Variants in TMEM132B observed in about 807,000 individuals in gnomAD.
TMEM132B encodes the protein transmembrane protein 132B.
In TMEM132B, 18 loss-of-function variants were observed where a neutral mutation model predicts 90.8. The ratio of observed to expected loss-of-function variants is 0.20; its 90% CI spans 0.14 to 0.29. The LOEUF (loss-of-function observed/expected upper bound fraction) is 0.29, where lower values mean the gene tolerates loss of function less well. Ranked by LOEUF, TMEM132B falls within the 10% of genes least tolerant of loss-of-function variation. The pLI is 1.00. For missense variants in TMEM132B, 1,096 were observed against 1,326.8 expected, an observed-to-expected ratio of 0.83 and a Z score of 2.70; for synonymous variants, 504 against 523.3, an observed-to-expected ratio of 0.96 and a Z score of 0.50.
chr12:125,532,069 T>A (rs1028445196), intron 4 of TMEM132B, among the ~76,000 whole-genome samples: 1 of 152,186 alleles, frequency 6.6e-6, no homozygotes, highest in Non-Finnish European at 1.5e-5. Flanking sequence ...TTACAGGGAC[T>A]GCTCTTGGAG....
rs184315988 is a variant in TMEM132B at position 125,508,095 on chromosome 12, G to A, written c.1107-11344G>A. Among the ~76,000 whole-genome samples, 167 of 152,342 alleles carry A rather than the reference G, an allele frequency of 1.1e-3. 1 individual carries two copies. The highest frequency in any genetic ancestry group is 3.7e-3 in the African/African-American group (153 of 41,572). On this transcript the variant is annotated intron_variant, in intron 3 of 8. Transcript: ENST00000682704. ...AAGAGTTAAGGACGACCAAGATTTT[G>A]ACCAGAGTAACTGGAAGGATGGTTG...
At chr12:125,584,225 T>C (rs1311020993) in intron 5 of TMEM132B, 1 of 557,970 alleles carries the variant, frequency 1.8e-6, no homozygotes, top group African/African-American at 1.9e-5. Context: ...CCCTGACCCT[T>C]AATCTCCAGC....
chr12:125,270,784 G>T (rs573968756), intron 1 of TMEM132B, among the ~76,000 whole-genome samples: 2 of 142,808 alleles, frequency 1.4e-5, no homozygotes, highest in South Asian at 4.5e-4. Flanking sequence ...CTCTGTGGGG[G>T]TTGGGGGGGC....
intron 1 of TMEM132B, among the ~76,000 whole-genome samples, chr12:125,240,929 G>C (rs547196515): frequency 6.6e-6 from 1 of 152,226 alleles, no homozygotes; most frequent in Admixed American, 6.5e-5. Flanking sequence ...TTGAATGAGT[G>C]ATCGCGTGAG....
intron 2 of TMEM132B, among the ~76,000 whole-genome samples, chr12:125,392,946 C>A (rs418105): frequency 6.6e-6 from 1 of 151,992 alleles, no homozygotes; most frequent in African/African-American, 2.4e-5. Context: ...CTGGGGGCCC[C>A]GTGATCCGAT....
intron 3 of TMEM132B, among the ~76,000 whole-genome samples, chr12:125,474,048 T>G (rs1881793306): frequency 7.3e-6 from 1 of 137,924 alleles, no homozygotes; most frequent in Non-Finnish European, 1.6e-5. Flanking sequence ...CCTTCCTTCC[T>G]TCTTTCTTTT....
intron 1 of TMEM132B, among the ~76,000 whole-genome samples, chr12:125,193,098 T>TG (rs1872834931): frequency 6.6e-6 from 1 of 152,138 alleles, no homozygotes; most frequent in Non-Finnish European, 1.5e-5. Flanking sequence ...AAGGAAGGGC[T>TG]GACTGGGGAC....
intron 5 of TMEM132B, among the ~76,000 whole-genome samples, chr12:125,618,292 G>A (rs1223846168): frequency 1.3e-5 from 2 of 152,180 alleles, no homozygotes; most frequent in Non-Finnish European, 2.9e-5. Context: ...ATGGAGTGGG[G>A]CATCTGACCT....
chr12:125,187,779 C>G (rs1331542250), intron 1 of TMEM132B, among the ~76,000 whole-genome samples: 1 of 117,250 alleles, frequency 8.5e-6, no homozygotes, highest in Non-Finnish European at 1.7e-5. Context: ...CCCCTCCCCC[C>G]ACCCCATGCA....
At chr12:125,374,843 A>G (rs1477098742) in intron 2 of TMEM132B, among the ~76,000 whole-genome samples, 4 of 152,128 alleles carry the variant, frequency 2.6e-5, no homozygotes, top group African/African-American at 9.7e-5. Flanking sequence ...TGCTCCATAC[A>G]GAAAAAAACC....
intron 3 of TMEM132B, among the ~76,000 whole-genome samples, chr12:125,513,143 C>A (rs1332326107): frequency 1.3e-5 from 2 of 152,256 alleles, no homozygotes; most frequent in Non-Finnish European, 2.9e-5. Flanking sequence ...CACTCACCTG[C>A]AGCTCAGGGG....
At chr12:125,645,279 A>G (rs1253177764) in intron 6 of TMEM132B, among the ~76,000 whole-genome samples, 3 of 152,046 alleles carry the variant, frequency 2.0e-5, no homozygotes, top group African/African-American at 7.2e-5. Flanking sequence ...TGCTTCTTCA[A>G]ACCCTAATCT....
chr12:125,471,047 C>A (rs1257842946), intron 3 of TMEM132B, among the ~76,000 whole-genome samples: 1 of 152,246 alleles, frequency 6.6e-6, no homozygotes, highest in Non-Finnish European at 1.5e-5. Flanking sequence ...GGCCGGCGCC[C>A]ATGTGGGGCT....
chr12:125,294,157 C>T (rs1424943940), intron 1 of TMEM132B, among the ~76,000 whole-genome samples: 1 of 152,198 alleles, frequency 6.6e-6, no homozygotes, highest in Non-Finnish European at 1.5e-5. Flanking sequence ...CAGCCCATGC[C>T]CTCTGTGCCT....
chr12:125,193,815 T>C (rs1872857216), intron 1 of TMEM132B, among the ~76,000 whole-genome samples: 1 of 152,242 alleles, frequency 6.6e-6, no homozygotes, highest in Non-Finnish European at 1.5e-5. Context: ...TCTGTCATTC[T>C]TGCAGAGCAA....
chr12:125,451,053 A>C (rs767794844), intron 3 of TMEM132B, among the ~76,000 whole-genome samples: 11 of 152,182 alleles, frequency 7.2e-5, no homozygotes, highest in Non-Finnish European at 1.2e-4. Context: ...ACAAAGACAG[A>C]CTGTAGAAGT....
intron 5 of TMEM132B, chr12:125,588,333 T>G (rs908946782): frequency 2.0e-5 from 3 of 152,106 alleles, no homozygotes; most frequent in African/African-American, 7.2e-5. Context: ...ACCAAACTAC[T>G]CCCTAATCCT....
chr12:125,549,356 G>C lies in TMEM132B; in HGVS notation c.1293+29731G>C, dbSNP rs114829637. 2.3e-3 allele frequency among the ~76,000 whole-genome samples: 348 copies of C among 152,322 alleles called. 1 individual carries two copies. The highest frequency in any genetic ancestry group is 7.9e-3 in the African/African-American group (330 of 41,576). On this transcript the variant is annotated intron_variant, in intron 4 of 8. Transcript: ENST00000682704. The stretch of plus-strand genomic sequence containing the variant: ...TCTCTAGAAAACAGCCTCCCTTTCA[G>C]ATCCTGCTGTGTGAGCTAAGGGGAT...
intron 4 of TMEM132B, among the ~76,000 whole-genome samples, chr12:125,564,593 A>G (rs1884618232): frequency 6.6e-6 from 1 of 152,244 alleles, no homozygotes; most frequent in African/African-American, 2.4e-5. Context: ...TAAGGGGAAT[A>G]GGATAGGTCC....
Sources: allele counts gnomAD v4.1 joint callset (sites outside exome capture counted in the v4.1 genomes callset), GRCh38; gene constraint gnomAD v4.1.1; transcripts MANE v1.5; gene names NCBI Gene and HGNC (gene_info 2026-07-23, HGNC 2026-07-21).